The following NLGN1 variants were observed in gnomAD, a reference collection of about 807,000 sequenced individuals.
NLGN1 encodes neuroligin-1.
In NLGN1, 12 loss-of-function variants were observed where a neutral mutation model predicts 65.5. The ratio of observed to expected loss-of-function variants is 0.18; its 90% CI spans 0.12 to 0.30. The LOEUF is 0.30. NLGN1 is among the 10% of genes least tolerant of loss of function. The pLI is 1.00. For synonymous variants in NLGN1, 350 were observed against 359.5 expected (o/e 0.97, Z 0.30); for missense variants, 750 against 1,007.1 (o/e 0.74, Z 3.46).
At chr3:173,598,081 CGTTG>C (rs1749800315) in intron 2 of NLGN1, among the ~76,000 whole-genome samples, 2 of 151,192 alleles carry the variant, frequency 1.3e-5, no homozygotes, top group Non-Finnish European at 2.9e-5. Context: ...TACTCCCTTT[CGTTG>C]ATATTTGATA....
chr3:173,919,896 CAT>C (rs1458277360), intron 4 of NLGN1, among the ~76,000 whole-genome samples: 4 of 151,914 alleles, frequency 2.6e-5, no homozygotes, highest in Admixed American at 1.3e-4. Flanking sequence ...TAAATCTTAA[CAT>C]ATATGCAATC....
At chr3:173,515,082 G>A (rs1211119114) in intron 2 of NLGN1, among the ~76,000 whole-genome samples, 1 of 152,152 alleles carries the variant, frequency 6.6e-6, no homozygotes, top group Admixed American at 6.5e-5. Flanking sequence ...CCTTCAAACA[G>A]TTTTCCACAG....
At chr3:173,710,373 A>T (rs899592582) in intron 3 of NLGN1, among the ~76,000 whole-genome samples, 3 of 152,198 alleles carry the variant, frequency 2.0e-5, no homozygotes, top group Non-Finnish European at 2.9e-5. Context: ...ATCTTTACAT[A>T]GATTTCCCAG....
intron 1 of NLGN1, among the ~76,000 whole-genome samples, chr3:173,416,939 A>T (rs2148673618): frequency 6.6e-6 from 1 of 152,270 alleles, no homozygotes; most frequent in South Asian, 2.1e-4. Context: ...TTATGATACC[A>T]TGATCAAACT....
intron 3 of NLGN1, among the ~76,000 whole-genome samples, chr3:173,784,471 A>G (rs1451074517): frequency 6.6e-6 from 1 of 152,126 alleles, no homozygotes; most frequent in African/African-American, 2.4e-5. Context: ...GGCCACACTG[A>G]GATACCTACC....
At chr3:173,835,574 A>AACACACAC (rs1456512425) in intron 4 of NLGN1, among the ~76,000 whole-genome samples, 1 of 49,492 alleles carries the variant, frequency 2.0e-5, no homozygotes, top group Non-Finnish European at 4.9e-5. Flanking sequence ...AATATGTTCA[A>AACACACAC]ACACATACAC....
intron 4 of NLGN1, chr3:173,912,566 G>A (rs776966178): frequency 9.9e-5 from 15 of 152,150 alleles, no homozygotes; most frequent in South Asian, 2.1e-4. Context: ...AGTATGTGGC[G>A]TTTCTCAATG....
chr3:174,236,365 A>C (rs1025220022), intron 4 of NLGN1, among the ~76,000 whole-genome samples: 9 of 152,020 alleles, frequency 5.9e-5, no homozygotes, highest in African/African-American at 2.2e-4. Context: ...AAATTCCTAT[A>C]ATTGTTTTTC....
chr3:173,708,349 T>C (rs2149925376), intron 3 of NLGN1, among the ~76,000 whole-genome samples: 1 of 152,302 alleles, frequency 6.6e-6, no homozygotes, highest in Middle Eastern at 3.4e-3. Context: ...AGTTTCCTTT[T>C]CATCCCCAGC....
At chr3:173,497,261 G>A (rs1243732437) in intron 2 of NLGN1, among the ~76,000 whole-genome samples, 2 of 151,624 alleles carry the variant, frequency 1.3e-5, no homozygotes, top group African/African-American at 4.9e-5. Context: ...GTATGCTCCT[G>A]TAATCCCAGC....
At chr3:173,805,117 A>G (rs16830655) in intron 3 of NLGN1, among the ~76,000 whole-genome samples, 13,964 of 152,240 alleles carry the variant, frequency 0.092, 672 homozygotes, top group Middle Eastern at 0.13. Context: ...GTAACAGAAA[A>G]TATCCAAAGT....
rs140956623 is a variant in NLGN1, at chr3:173,622,860, C to G, written c.493+17769C>G. On this transcript the variant is annotated intron_variant, in intron 3 of 6. Coordinates refer to ENST00000457714, the Ensembl canonical transcript of NLGN1. Reference sequence around the variant, plus strand: ...TGATATTTCCGAAAGAACAAAATTACTAACTGACCCAATTACTAAACACAA... The same window carrying G: ...TGATATTTCCGAAAGAACAAAATTAGTAACTGACCCAATTACTAAACACAA... Among the ~76,000 whole-genome samples, 6 of 152,186 alleles carry G rather than the reference C, an allele frequency of 3.9e-5. No homozygotes were observed. In the South Asian group the frequency reaches 1.2e-3, roughly 32 times the overall value.
At chr3:173,742,055 G>A (rs1774734825) in intron 3 of NLGN1, among the ~76,000 whole-genome samples, 1 of 152,054 alleles carries the variant, frequency 6.6e-6, no homozygotes, top group African/African-American at 2.4e-5. Context: ...ATTCTGTGAT[G>A]TTCTCTATTT....
intron 3 of NLGN1, among the ~76,000 whole-genome samples, chr3:173,684,546 C>T (rs760817388): frequency 6.6e-5 from 10 of 152,096 alleles, no homozygotes; most frequent in Non-Finnish European, 1.0e-4. Context: ...AAAAACTAGA[C>T]CAAAGGAAAA....
At position 173,568,056 on chromosome 3, in the gene NLGN1, A is replaced by T. The variant is rs143384014; in HGVS notation, c.-320-36223A>T. ...ATTGTGCAATGACTAAATCAAGCTA[A>T]CATATACATTACCTCAAAAAATAAT... On this transcript the variant is annotated intron_variant, in intron 2 of 6. Transcript: ENST00000457714. 9.5e-3 allele frequency among the ~76,000 whole-genome samples: 1,454 copies of T among 152,294 alleles called. 8 individuals carry two copies. The highest frequency in any genetic ancestry group is 0.016 in the Non-Finnish European group (1,063 of 68,016).
intron 4 of NLGN1, among the ~76,000 whole-genome samples, chr3:174,127,680 G>C (rs1577013602): frequency 6.6e-6 from 1 of 152,078 alleles, no homozygotes; most frequent in Non-Finnish European, 1.5e-5. Context: ...CACGTAGCAG[G>C]TACTTAATAG....
intron 2 of NLGN1, among the ~76,000 whole-genome samples, chr3:173,525,282 A>G (rs1735453223): frequency 6.6e-6 from 1 of 151,294 alleles, no homozygotes; most frequent in African/African-American, 2.4e-5. Context: ...TTTATTACTG[A>G]TTTGATTTTG....
chr3:174,086,279 G>T (rs1743315151), intron 4 of NLGN1, among the ~76,000 whole-genome samples: 2 of 147,980 alleles, frequency 1.4e-5, no homozygotes, highest in Non-Finnish European at 3.0e-5. Flanking sequence ...TTATGTATGT[G>T]CATAAATATA....
chr3:173,844,718 A>C (rs916885804), intron 4 of NLGN1, among the ~76,000 whole-genome samples: 5 of 152,200 alleles, frequency 3.3e-5, no homozygotes, highest in African/African-American at 7.2e-5. Flanking sequence ...TTCACTGTAG[A>C]CATTTCTTGA....
Sources: gnomAD v4.1 joint callset for allele counts (sites outside exome capture counted in the v4.1 genomes callset) on GRCh38, gnomAD v4.1.1 for gene constraint, MANE v1.5 for transcripts, NCBI Gene and HGNC (gene_info 2026-07-23, HGNC 2026-07-21) for gene names.